GPR35: variants seen among roughly 807,000 people sequenced by gnomAD.
GPR35 encodes the protein KYNA receptor.
For missense variants in GPR35, 372 were observed against 422.5 expected, an observed-to-expected ratio of 0.88 and a Z score of 1.05; for synonymous variants, 207 against 198.4, an observed-to-expected ratio of 1.04 and a Z score of -0.36.
At chr2:240,625,768 GGGGGTCTCAGAGCAGGGTGAGGCTGTGAT>G (rs2043364814) in intron 1 of GPR35, among the ~76,000 whole-genome samples, 200 bp downstream of exon 1, 6 of 142,726 alleles carry the variant, frequency 4.2e-5, no homozygotes, top group Admixed American at 6.9e-5. Context: ...AGGCTGTGAT[GGGGGTCTCAGAGCAGGGTGAGGCTGTGAT>G]GGGGTCTCAG....
intron 2 of GPR35, among the ~76,000 whole-genome samples, chr2:240,610,744 C>T (rs900870023): frequency 3.9e-5 from 6 of 151,966 alleles, no homozygotes; most frequent in East Asian, 1.9e-4. Flanking sequence ...AAGTGATTCT[C>T]CTGCCTCAGC....
chr2:240,616,216 C>G lies in GPR35; in HGVS notation c.-576-172C>G, dbSNP rs76317996. ...TCCTTCTGTTTGCCTCTTGCCTGCA[C>G]TATTGCAGTCGTGAATACAGGCCTG... On this transcript the variant is annotated intron_variant, in intron 2 of 5. Transcript: ENST00000319838. Among the ~76,000 whole-genome samples, 8,651 of 152,250 alleles carry G rather than the reference C, an allele frequency of 0.057. 274 individuals carry two copies. The highest frequency in any genetic ancestry group is 0.078 in the African/African-American group (3,227 of 41,544).
intron 4 of GPR35, among the ~76,000 whole-genome samples, chr2:240,617,994 A>T (rs1300389104): frequency 6.6e-6 from 1 of 152,204 alleles, no homozygotes; most frequent in East Asian, 1.9e-4. Context: ...TAGAGACCAC[A>T]GTCTGGGTGT....
chr2:240,611,136 T>C (rs1234386986), intron 2 of GPR35, among the ~76,000 whole-genome samples: 2 of 152,050 alleles, frequency 1.3e-5, no homozygotes, highest in Non-Finnish European at 2.9e-5. Flanking sequence ...TTGTTTTTTT[T>C]CGGTAGTTTT....
At position 240,631,536 on chromosome 2, in the gene GPR35, G is replaced by T. The variant is rs2043449432; in HGVS notation, c.*654G>T. On this transcript the variant is annotated 3_prime_UTR_variant, in exon 2 of 2. Coordinates refer to ENST00000407714, the MANE Select transcript of GPR35 (RefSeq NM_005301.5). The stretch of plus-strand genomic sequence containing the variant: ...CTCCATGTAGGGGCTGCACAGCGGT[G>T]CAAGGGGGGGTGACCAAGGTCAAGC... 6.6e-6 allele frequency among the ~76,000 whole-genome samples: 1 copy of T among 150,748 alleles called. No individual in the cohort carries two copies. Among genetic ancestry groups the T allele is most frequent in the Admixed American group, 6.6e-5 (1 of 15,206 alleles).
intron 1 of GPR35, among the ~76,000 whole-genome samples, chr2:240,627,047 C>G (rs1361374386): frequency 6.6e-6 from 1 of 152,214 alleles, no homozygotes; most frequent in Non-Finnish European, 1.5e-5. Context: ...CTCCAATCCC[C>G]AAAGCCTCCT....
chr2:240,616,478 C>T lies in GPR35; in HGVS notation c.-486C>T, dbSNP rs142436366. On this transcript the variant is annotated 5_prime_UTR_variant, in exon 3 of 6. Transcript: ENST00000319838. Reference sequence around the variant, plus strand: ...CCCATGCCTGCCAATCTCCTGTCGACTGCGAGTCAGCTCCGATACTTCACC... The same window carrying T: ...CCCATGCCTGCCAATCTCCTGTCGATTGCGAGTCAGCTCCGATACTTCACC... 19 of 780,822 alleles carry T rather than the reference C, an allele frequency of 2.4e-5. No homozygotes were observed. In the African/African-American group the frequency reaches 2.5e-4, roughly 10 times the overall value. The allele number at this position is 780,822 out of a possible 1,614,324, so 48.4% of individuals were successfully genotyped here.
chr2:240,631,113 A>C lies in GPR35; in HGVS notation c.*231A>C. 1.4e-5 allele frequency: 8 copies of C among 553,066 alleles called. No homozygotes were observed. Among genetic ancestry groups the C allele is most frequent in the South Asian group, 2.7e-5 (1 of 37,706 alleles). The allele number at this position is 553,066 out of a possible 1,614,324, so 34.3% of individuals were successfully genotyped here. A position where few individuals can be genotyped will look rare whatever the true frequency, so the allele number is the denominator to read the frequency against. On this transcript the variant is annotated 3_prime_UTR_variant, in exon 2 of 2. Transcript: ENST00000407714. The stretch of plus-strand genomic sequence containing the variant: ...GGCCAGAGCAAGGCCAATGTCAGAG[A>C]CCCCCGGGATGGGGCCTCACACTTG...
intron 4 of GPR35, chr2:240,617,460 A>G (rs191616614): frequency 1.5e-4 from 83 of 543,212 alleles, no homozygotes; most frequent in Non-Finnish European, 1.9e-4. Flanking sequence ...ATTAACCCTA[A>G]TGCTAGTTTC....
intron 4 of GPR35, chr2:240,617,485 G>T (rs554593069): frequency 2.0e-6 from 1 of 494,124 alleles, no homozygotes; most frequent in East Asian, 3.5e-5. Context: ...ATCCATCAGG[G>T]TTTGCAAAGT....
chr2:240,623,279 A>G, upstream of GPR35, among the ~76,000 whole-genome samples: 1 of 152,210 alleles, frequency 6.6e-6, no homozygotes, highest in Non-Finnish European at 1.5e-5. Flanking sequence ...AAAATCAAAC[A>G]GGGTGAAGGG....
In GPR35 at chr2:240,626,725, G is replaced by A. The variant is rs539720832; in HGVS notation, c.-5+1157G>A. Among the ~76,000 whole-genome samples, 409 of 152,258 alleles carry A rather than the reference G, an allele frequency of 2.7e-3. 2 individuals carry two copies. The highest frequency in any genetic ancestry group is 0.016 in the South Asian group (79 of 4,824). ...CCAGGCCCAGTGGGGTCACAGGTAC[G>A]GGGGACTCTGGTGCCTGGGCCACAG... On this transcript the variant is annotated intron_variant, in intron 1 of 1. Transcript: ENST00000407714.
At chr2:240,618,001 G>C (rs2043256786) in intron 4 of GPR35, among the ~76,000 whole-genome samples, 1 of 152,156 alleles carries the variant, frequency 6.6e-6, no homozygotes, top group Non-Finnish European at 1.5e-5. Flanking sequence ...CACAGTCTGG[G>C]TGTTAGGTGT....
rs528228092 is a variant in GPR35, at chr2:240,632,146, C to A, written c.*1264C>A. On this transcript the variant is annotated 3_prime_UTR_variant, in exon 2 of 2. Coordinates refer to ENST00000407714, the MANE Select transcript of GPR35 (RefSeq NM_005301.5). ...AGGAGGGCTCTATGCCCAAAAGGGT[C>A]CCATGTCCGGGAGGGTCCATACGCA... Among the ~76,000 whole-genome samples, 1 of 151,254 alleles carries A rather than the reference C, an allele frequency of 6.6e-6. No individual in the cohort carries two copies. The highest frequency in any genetic ancestry group is 1.5e-5 in the Non-Finnish European group (1 of 67,798).
chr2:240,624,547 C>T (rs1404192121), upstream of GPR35, among the ~76,000 whole-genome samples: 3 of 152,212 alleles, frequency 2.0e-5, no homozygotes, highest in East Asian at 3.9e-4. Context: ...CTGTGTGACG[C>T]TGGGCCAAGC....
At chr2:240,615,258 G>T (rs66563511) in intron 2 of GPR35, among the ~76,000 whole-genome samples, 1 of 152,052 alleles carries the variant, frequency 6.6e-6, no homozygotes, top group Non-Finnish European at 1.5e-5. Flanking sequence ...CTCAGATGGT[G>T]CCCAAAAGCC....
upstream of GPR35, among the ~76,000 whole-genome samples, chr2:240,624,524 G>T (rs1293761743): frequency 1.3e-5 from 2 of 152,236 alleles, no homozygotes; most frequent in African/African-American, 4.8e-5. Context: ...ACTGGTCTCA[G>T]ACCTGCCACC....
rs749750066 is a variant in GPR35 at position 240,629,931 on chromosome 2, C to A, written c.-4-18C>A. 2.5e-6 allele frequency: 4 copies of A among 1,581,728 alleles called. No homozygotes were observed. The South Asian group carries it at 4.5e-5, about 18-fold the overall frequency. ...CTGCTCACTCTCTGCTGACCTCCGG[C>A]TCCCTGTGCTGCCCCAGGACCATGA... On this transcript the variant is annotated intron_variant, in intron 1 of 1. Transcript: ENST00000407714.
rs547017867 is a variant in GPR35 at position 240,631,264 on chromosome 2, G to A, written c.*382G>A. 2.7e-5 allele frequency: 7 copies of A among 260,728 alleles called. 1 individual carries two copies. In the South Asian group the frequency reaches 5.4e-4, roughly 20 times the overall value. The allele number at this position is 260,728 out of a possible 1,614,324, so 16.2% of individuals were successfully genotyped here. A position where few individuals can be genotyped will look rare whatever the true frequency, so the allele number is the denominator to read the frequency against. ...CCCCACCCAGAGTCAGTCCTAGTGGGGCCCTCTGTGTTTCGCACTCGTGTG... is the reference window on the plus strand; with the variant it reads ...CCCCACCCAGAGTCAGTCCTAGTGGAGCCCTCTGTGTTTCGCACTCGTGTG... On this transcript the variant is annotated 3_prime_UTR_variant, in exon 2 of 2. Coordinates refer to ENST00000407714, the MANE Select transcript of GPR35 (RefSeq NM_005301.5).
Sources: allele counts gnomAD v4.1 joint callset (sites outside exome capture counted in the v4.1 genomes callset), GRCh38; gene constraint gnomAD v4.1.1; transcripts MANE v1.5; gene names NCBI Gene and HGNC (gene_info 2026-07-23, HGNC 2026-07-21).